Variants in KCNAB3 observed in about 807,000 individuals in gnomAD.
KCNAB3 encodes the protein potassium voltage-gated channel subfamily A regulatory beta subunit 3, also known as voltage-gated potassium channel subunit beta-3.
KCNAB3 carries 62 observed loss-of-function variants against 67.7 expected under a neutral mutation model. The observed-to-expected ratio is 0.92, with a 90% CI of 0.75 to 1.13. The LOEUF is 1.13. KCNAB3 is among the 50% of genes most tolerant of loss of function. KCNAB3 has a pLI of 0.00. For missense variants in KCNAB3, 514 were observed against 522.9 expected (o/e 0.98, Z 0.17); for synonymous variants, 212 against 205.4 (o/e 1.03, Z -0.27).
intron 4 of KCNAB3, among the ~76,000 whole-genome samples, chr17:7,926,688 T>C (rs547040591): frequency 1.3e-5 from 2 of 152,338 alleles, no homozygotes; most frequent in South Asian, 2.1e-4. Flanking sequence ...TGCCCTTTTT[T>C]TTTCCTTTAA....
At position 7,924,222 on chromosome 17, in the gene KCNAB3, A is replaced by G. The variant is rs553249244; in HGVS notation, c.755T>C (p.Val252Ala). 6 of 1,614,150 alleles carry G rather than the reference A, an allele frequency of 3.7e-6. No individual in the cohort carries two copies. In the South Asian group the frequency reaches 4.4e-5, roughly 12 times the overall value. ...MARQFNLIPP[V>A]CEQAEHHLFQ... The stretch of plus-strand genomic sequence containing the variant: ...CAGATGGTGCTCCGCTTGTTCACAC[A>G]CTGGAGGAATCAGATTGAACTGTCT... The change falls in exon 10 of 14, where the codon GTG (valine) becomes GCG (alanine). Residue 252 changes from valine to alanine, a missense_variant. Physicochemically the swap from Val to Ala is moderately conservative, Grantham distance 64. Coordinates refer to ENST00000303790, the MANE Select transcript of KCNAB3 (RefSeq NM_004732.4).
chr17:7,927,868 T>C (rs769407345), intron 1 of KCNAB3, 42 bp from the exon 2 acceptor site: 12 of 1,611,864 alleles, frequency 7.4e-6, no homozygotes, highest in Non-Finnish European at 1.0e-5. Flanking sequence ...GAGCCTCCAT[T>C]ATGGACTTAG....
At position 7,925,175 on chromosome 17, in the gene KCNAB3, C is replaced by T. The variant is rs1435725173; in HGVS notation, c.547G>A (p.Gly183Arg). Reference sequence around the variant, plus strand: ...CCCAGCTGGAGGCGTTCCAGGGATCCTCGCAAGCCTGGAGGTGGGGTAGGG... The same window carrying T: ...CCCAGCTGGAGGCGTTCCAGGGATCTTCGCAAGCCTGGAGGTGGGGTAGGG... The part of the protein sequence containing the change: ...SRKHIIEGLR[G>R]SLERLQLGYV... The change falls in exon 8 of 14, where the codon GGA becomes AGA. Residue 183 changes from glycine to arginine, a missense_variant. Coordinates refer to ENST00000303790, the MANE Select transcript of KCNAB3 (RefSeq NM_004732.4). 2 of 1,613,436 alleles carry T rather than the reference C, an allele frequency of 1.2e-6. No individual in the cohort carries two copies. The highest frequency in any genetic ancestry group is 1.6e-4 in the Middle Eastern group (1 of 6,070).
At position 7,929,711 on chromosome 17, in the gene KCNAB3, T is replaced by G; in HGVS notation, c.-276A>C. The G allele has an allele frequency of 3.1e-6, 4 of 1,271,068 alleles. No homozygotes were observed. The highest frequency in any genetic ancestry group is 3.0e-6 in the Non-Finnish European group (3 of 1,005,432). 78.7% of individuals were successfully genotyped at this position (1,271,068 alleles called of 1,614,324 possible). Reference sequence around the variant, plus strand: ...AGGAGCAAGGATTAGGAGGGGGAAATGGATGAGGGTAAAGGTCGAGGATGA... The same window carrying G: ...AGGAGCAAGGATTAGGAGGGGGAAAGGGATGAGGGTAAAGGTCGAGGATGA... On this transcript the variant is annotated 5_prime_UTR_variant, in exon 1 of 14. Coordinates refer to ENST00000303790, the MANE Select transcript of KCNAB3 (RefSeq NM_004732.4). This position sits in a 1 kb window ranked among gnomAD's most constrained non-coding sequence, Gnocchi z 5.7.
intron 13 of KCNAB3, 85 bp downstream of exon 13, chr17:7,923,371 G>T: frequency 7.1e-7 from 1 of 1,411,038 alleles, no homozygotes; most frequent in Non-Finnish European, 9.8e-7. Context: ...TGGGTGACCT[G>T]ATAGAGCCAT....
Position 7,924,023 on chromosome 17 carries a change from A to C in KCNAB3, c.872T>G (p.Leu291Arg). Residue 291 changes from leucine (L) to arginine (R), a missense_variant, in exon 11 of 14, where the codon CTC becomes CGC. Physicochemically the swap from Leu to Arg is moderately radical, Grantham distance 102. Coordinates refer to ENST00000303790, the MANE Select transcript of KCNAB3 (RefSeq NM_004732.4). Reference sequence around the variant, plus strand: ...TCGCCCATCATACTTGCTAGTAATGAGACCACAGGCTAGAGGGTACCAAGT... The same window carrying C: ...TCGCCCATCATACTTGCTAGTAATGCGACCACAGGCTAGAGGGTACCAAGT... ...SVTWYPLACG[L>R]ITSKYDGRVP... is the part of the protein sequence containing the mutation. The C allele has an allele frequency of 6.2e-7, 1 of 1,614,030 alleles. No individual in the cohort carries two copies. Among genetic ancestry groups the C allele is most frequent in the Non-Finnish European group, 8.5e-7 (1 of 1,180,000 alleles).
chr17:7,923,634 A>G, intron 12 of KCNAB3, 77 bp downstream of exon 12: 1 of 1,552,624 alleles, frequency 6.4e-7, no homozygotes, highest in African/African-American at 1.4e-5. Flanking sequence ...CGTCCTCCCT[A>G]GGGACAAACC....
At position 7,923,023 on chromosome 17, in the gene KCNAB3, GA is replaced by G. The variant is rs543927792; in HGVS notation, c.*78del. 3,900 of 1,380,250 alleles carry G rather than the reference GA, an allele frequency of 2.8e-3. 23 individuals carry two copies. The highest frequency in any genetic ancestry group is 0.012 in the South Asian group (1,072 of 86,086). The allele number at this position is 1,380,250 out of a possible 1,614,324, so 85.5% of individuals were successfully genotyped here. Reference sequence around the variant, plus strand: ...TCCGGCCGCTGCGTGGAGGGATCCGGAGCGGGAGAGGCGGCTGCGAGGAGCG... The same window carrying G: ...TCCGGCCGCTGCGTGGAGGGATCCGGGCGGGAGAGGCGGCTGCGAGGAGCG... On this transcript the variant is annotated 3_prime_UTR_variant, in exon 14 of 14. Coordinates refer to ENST00000303790, the MANE Select transcript of KCNAB3 (RefSeq NM_004732.4).
Position 7,923,000 on chromosome 17 carries a change from C to T in KCNAB3, c.*102G>A, listed in dbSNP as rs765589257. 36 of 1,129,902 alleles carry T rather than the reference C, an allele frequency of 3.2e-5. No homozygotes were observed. Among genetic ancestry groups the T allele is most frequent in the Non-Finnish European group, 4.3e-5 (32 of 746,288 alleles). 70.0% of individuals were successfully genotyped at this position (1,129,902 alleles called of 1,614,324 possible). On this transcript the variant is annotated 3_prime_UTR_variant, in exon 14 of 14. Transcript: ENST00000303790. Reference sequence around the variant, plus strand: ...TTGGTGGGCGGGGCTAGTCTGGCTCCGGCCGCTGCGTGGAGGGATCCGGAG... The same window carrying T: ...TTGGTGGGCGGGGCTAGTCTGGCTCTGGCCGCTGCGTGGAGGGATCCGGAG...
intron 6 of KCNAB3, 72 bp from the exon 7 acceptor site, chr17:7,925,798 G>T: frequency 1.2e-6 from 2 of 1,603,804 alleles, no homozygotes; most frequent in Non-Finnish European, 1.7e-6. Context: ...GAGCCATAAG[G>T]AAATGGGATT....
At chr17:7,925,898 C>G in intron 6 of KCNAB3, 33 bp downstream of exon 6, 1 of 1,606,720 alleles carries the variant, frequency 6.2e-7, no homozygotes, top group Non-Finnish European at 8.5e-7. Context: ...CTTTGTAGGC[C>G]TTCTCCACAA....
In KCNAB3 at chr17:7,927,535, A is replaced by G. The variant is rs1050268057; in HGVS notation, c.325-112T>C. 5 of 1,506,818 alleles carry G rather than the reference A, an allele frequency of 3.3e-6. No individual in the cohort carries two copies. The South Asian group carries it at 3.4e-5, about 10-fold the overall frequency. The allele number at this position is 1,506,818 out of a possible 1,614,324, so 93.3% of individuals were successfully genotyped here. ...GTTCTCTAGTCTCTCCCCTCTCCCCATCCTCCAGCCTCAGATCCCTCATTC... is the reference window on the plus strand; with the variant it reads ...GTTCTCTAGTCTCTCCCCTCTCCCCGTCCTCCAGCCTCAGATCCCTCATTC... On this transcript the variant is annotated intron_variant, in intron 3 of 13. Coordinates refer to ENST00000303790, the MANE Select transcript of KCNAB3 (RefSeq NM_004732.4).
rs1321133771 is a variant in KCNAB3, at chr17:7,929,644, T to C, written c.-209A>G. ...GGTTTGCGGCGGGAGGGAAGAAACG[T>C]GGGGGGCGCCAGGAGTGGAGATATT... On this transcript the variant is annotated 5_prime_UTR_variant, in exon 1 of 14. Coordinates refer to ENST00000303790, the MANE Select transcript of KCNAB3 (RefSeq NM_004732.4). The surrounding 1 kb of genome is among the most constrained non-coding windows in gnomAD (Gnocchi z 5.7). 7.5e-7 allele frequency: 1 copy of C among 1,341,300 alleles called. No individual in the cohort carries two copies. The highest frequency in any genetic ancestry group is 2.9e-5 in the East Asian group (1 of 34,058). The allele number at this position is 1,341,300 out of a possible 1,614,324, so 83.1% of individuals were successfully genotyped here.
chr17:7,922,408 A>C lies in KCNAB3; in HGVS notation c.*694T>G, dbSNP rs1398402605. ...GGAAAGGCTGTCACTAATTCCTGCC[A>C]AGAACAGCCCAACTGTTTTCCAAGG... On this transcript the variant is annotated 3_prime_UTR_variant, in exon 14 of 14. Coordinates refer to ENST00000303790, the MANE Select transcript of KCNAB3 (RefSeq NM_004732.4). 1.3e-5 allele frequency: 2 copies of C among 152,178 alleles called. No individual in the cohort carries two copies. The highest frequency in any genetic ancestry group is 2.9e-5 in the Non-Finnish European group (2 of 68,038). The allele number at this position is 152,178 out of a possible 1,614,324, so 9.4% of individuals were successfully genotyped here.
chr17:7,925,031 C>T, intron 8 of KCNAB3, 66 bp downstream of exon 8: 1 of 1,444,904 alleles, frequency 6.9e-7, no homozygotes, highest in African/African-American at 1.4e-5. Context: ...CAGGAATGAG[C>T]CACCGCACCC....
rs933330634 is a variant in KCNAB3, at chr17:7,925,137, A to G, written c.585T>C (p.Ile195=). Reference sequence around the variant, plus strand: ...TGGGGTCTGAGCGATTGGCAAAGACAATGTCCACGTATCCCAGCTGGAGGC... The same window carrying G: ...TGGGGTCTGAGCGATTGGCAAAGACGATGTCCACGTATCCCAGCTGGAGGC... ...LERLQLGYVD[I]VFANRSDPNC... Residue 195 remains isoleucine, a synonymous_variant, in exon 8 of 14, where the codon ATT becomes ATC. Transcript: ENST00000303790. The G allele has an allele frequency of 1.2e-6, 2 of 1,613,702 alleles. No individual in the cohort carries two copies. The highest frequency in any genetic ancestry group is 1.3e-5 in the African/African-American group (1 of 74,866).
intron 2 of KCNAB3, 37 bp downstream of exon 2, chr17:7,927,746 G>T (rs1171184500): frequency 1.2e-6 from 2 of 1,614,200 alleles, no homozygotes; most frequent in South Asian, 2.2e-5. Flanking sequence ...GACCATGAAA[G>T]AATGCCCTCC....
chr17:7,927,937 A>G, intron 1 of KCNAB3, 111 bp from the exon 2 acceptor site: 2 of 1,328,426 alleles, frequency 1.5e-6, no homozygotes, highest in Non-Finnish European at 2.2e-6. Flanking sequence ...GTCTCAGTCC[A>G]AAGAAATTAG....
chr17:7,925,997 A>G (rs1350360729), intron 5 of KCNAB3, 22 bp from the exon 6 acceptor site: 1 of 1,614,002 alleles, frequency 6.2e-7, no homozygotes, highest in East Asian at 2.2e-5. Context: ...GAAATGGGAG[A>G]ACCAGTAAGA....
Sources: allele counts gnomAD v4.1 joint callset (sites outside exome capture counted in the v4.1 genomes callset), GRCh38; gene constraint gnomAD v4.1.1; non-coding constraint Gnocchi (gnomAD v3.1); transcripts MANE v1.5; gene names NCBI Gene and HGNC (gene_info 2026-07-23, HGNC 2026-07-21).